SETD5: variants seen among roughly 807,000 people sequenced by gnomAD.
The protein encoded by SETD5 is SET domain containing 5.
SETD5 carries 44 observed loss-of-function variants against 153.3 expected under a neutral mutation model. The observed-to-expected ratio is 0.29, with a 90% CI of 0.23 to 0.37. The LOEUF (loss-of-function observed/expected upper bound fraction) is 0.37, where lower values mean the gene tolerates loss of function less well. Ranked by LOEUF, SETD5 falls within the 10% of genes least tolerant of loss-of-function variation. SETD5 has a pLI of 1.00. For missense variants in SETD5, 1,544 were observed against 1,768.0 expected, an observed-to-expected ratio of 0.87 and a Z score of 2.27; for synonymous variants, 716 against 645.2, an observed-to-expected ratio of 1.11 and a Z score of -1.66.
At chr3:9,471,642 GGGTT>G in intron 19 of SETD5, among the ~76,000 whole-genome samples, 1 of 152,296 alleles carries the variant, frequency 6.6e-6, no homozygotes, top group African/African-American at 2.4e-5. Flanking sequence ...GCTTGCTAAT[GGGTT>G]GGGACTCCAC....
At chr3:9,417,684 AC>A (rs1252841575) in intron 1 of SETD5, among the ~76,000 whole-genome samples, 4 of 151,308 alleles carry the variant, frequency 2.6e-5, no homozygotes, top group Non-Finnish European at 4.4e-5. Flanking sequence ...ACGGGGTTTC[AC>A]CATGTTAGCC....
rs1297206946 is a variant in SETD5, at chr3:9,445,265, G to A, written c.1405G>A (p.Val469Ile). The change falls in exon 12 of 23, where the codon GTT (valine) becomes ATT (isoleucine). Residue 469 changes from valine (V) to isoleucine (I), a missense_variant. By Grantham distance (29) the Val-to-Ile change is conservative. Transcript: ENST00000402198. ...GAATAATGACCAGCAATCACAAGAAGTTCCAGAAAAAGTAACTGTATCCAG... is the reference window on the plus strand; with the variant it reads ...GAATAATGACCAGCAATCACAAGAAATTCCAGAAAAAGTAACTGTATCCAG... ...EENNDQQSQE[V>I]PEKVTVSSDH... The A allele has an allele frequency of 1.2e-6, 2 of 1,608,978 alleles. No individual in the cohort carries two copies. The highest frequency in any genetic ancestry group is 1.7e-6 in the Non-Finnish European group (2 of 1,177,294).
chr3:9,417,926 C>T (rs1414791023), intron 1 of SETD5, among the ~76,000 whole-genome samples: 1 of 149,732 alleles, frequency 6.7e-6, no homozygotes, highest in Non-Finnish European at 1.5e-5. Context: ...GGCAGAACTG[C>T]TAGAACAAGA....
rs531618039 is a variant in SETD5, at chr3:9,421,584, T to G, written c.-176-2883T>G. On this transcript the variant is annotated intron_variant, in intron 1 of 22. Coordinates refer to ENST00000402198, the MANE Select transcript of SETD5 (RefSeq NM_001080517.3). ...TATAATGCAGCTGCCACATTCATTCTCATACAAGGTAAAGTCATTCAAAAG... is the reference window on the plus strand; with the variant it reads ...TATAATGCAGCTGCCACATTCATTCGCATACAAGGTAAAGTCATTCAAAAG... Among the ~76,000 whole-genome samples the G allele has an allele frequency of 4.6e-5, 7 of 152,340 alleles. No homozygotes were observed. In the East Asian group the frequency reaches 1.3e-3, roughly 29 times the overall value.
At position 9,447,236 on chromosome 3, in the gene SETD5, G is replaced by T. The variant is rs768631076; in HGVS notation, c.1711G>T (p.Val571Phe). Reference protein sequence around the residue: ...EAPESEVSNSVSNVTIPSTPQ... With the variant: ...EAPESEVSNSFSNVTIPSTPQ... ...CCCTGAATCTGAAGTTAGCAACTCT[G>T]TTTCAAATGTTACCATCCCAAGCAC... is the stretch of plus-strand genomic sequence containing the variant. The change falls in exon 14 of 23, where the codon GTT (valine) becomes TTT (phenylalanine). Residue 571 changes from valine (V) to phenylalanine (F), a missense_variant. By Grantham distance (50) the Val-to-Phe change is conservative. Around this residue, in one of 9 missense-constraint regions of SETD5, gnomAD observed 782 missense variants for 787.2 expected, o/e 0.99. Coordinates refer to ENST00000402198, the MANE Select transcript of SETD5 (RefSeq NM_001080517.3). 5 of 1,613,924 alleles carry T rather than the reference G, an allele frequency of 3.1e-6. No individual in the cohort carries two copies. The Admixed American group carries it at 5.0e-5, about 16-fold the overall frequency.
At chr3:9,446,310 C>T (rs1300011189) in intron 13 of SETD5, among the ~76,000 whole-genome samples, 3 of 124,944 alleles carry the variant, frequency 2.4e-5, no homozygotes, top group African/African-American at 6.2e-5. Context: ...AAAAAAAAAT[C>T]TGGTTTCCGA....
intron 18 of SETD5, among the ~76,000 whole-genome samples, chr3:9,466,834 G>A (rs1451917009): frequency 1.3e-5 from 2 of 152,160 alleles, no homozygotes; most frequent in Non-Finnish European, 2.9e-5. Flanking sequence ...AGACCAGCCT[G>A]GGTAACATCG....
intron 7 of SETD5, chr3:9,436,780 T>G (rs1413587194): frequency 8.7e-6 from 12 of 1,386,924 alleles, no homozygotes; most frequent in Non-Finnish European, 1.2e-5. Flanking sequence ...AGTTTTAGTC[T>G]CAGATAGGTA....
intron 17 of SETD5, among the ~76,000 whole-genome samples, chr3:9,458,245 A>G (rs1196279267): frequency 6.6e-6 from 1 of 152,190 alleles, no homozygotes; most frequent in Non-Finnish European, 1.5e-5. Context: ...CAACACAGCA[A>G]GACCTTGTCT....
intron 3 of SETD5, 61 bp from the exon 4 acceptor site, chr3:9,433,784 T>C (rs890981178): frequency 6.6e-7 from 1 of 1,506,574 alleles, no homozygotes; most frequent in East Asian, 2.3e-5. Context: ...GGAAATGAAG[T>C]GTTAGTTTAA....
At chr3:9,428,172 G>T (rs1192683551) in intron 2 of SETD5, among the ~76,000 whole-genome samples, 1 of 152,030 alleles carries the variant, frequency 6.6e-6, no homozygotes, top group Non-Finnish European at 1.5e-5. Context: ...TTATATTTTT[G>T]TTCATATCTA....
intron 1 of SETD5, among the ~76,000 whole-genome samples, chr3:9,424,203 A>G (rs1325268865): frequency 2.0e-5 from 3 of 152,200 alleles, no homozygotes; most frequent in Non-Finnish European, 2.9e-5. Context: ...GGAAGAGGAA[A>G]AATTAGCCAG....
Position 9,470,943 on chromosome 3 carries a change from G to A in SETD5, c.3195+14G>A, listed in dbSNP as rs1389124377. ...CAGAGGAAAAAAGTAAGTGTTTCAT[G>A]TTATATCGGCGAACTTTTCAAGAAT... On this transcript the variant is annotated intron_variant, in intron 19 of 22. Transcript: ENST00000402198. 2.1e-6 allele frequency: 3 copies of A among 1,421,120 alleles called. No homozygotes were observed. Among genetic ancestry groups the A allele is most frequent in the South Asian group, 1.3e-5 (1 of 77,366 alleles). The allele number at this position is 1,421,120 out of a possible 1,614,324, so 88.0% of individuals were successfully genotyped here.
chr3:9,466,144 C>T (rs1010874078), intron 18 of SETD5, among the ~76,000 whole-genome samples: 1 of 151,808 alleles, frequency 6.6e-6, no homozygotes, highest in East Asian at 1.9e-4. Flanking sequence ...AAATATTAGC[C>T]GGGCGTGGTA....
Position 9,434,702 on chromosome 3 carries a change from C to A in SETD5, c.330-122C>A. 1 of 1,464,132 alleles carries A rather than the reference C, an allele frequency of 6.8e-7. No homozygotes were observed. Among genetic ancestry groups the A allele is most frequent in the Non-Finnish European group, 9.1e-7 (1 of 1,104,420 alleles). The allele number at this position is 1,464,132 out of a possible 1,614,324, so 90.7% of individuals were successfully genotyped here. A position where few individuals can be genotyped will look rare whatever the true frequency, so the allele number is the denominator to read the frequency against. On this transcript the variant is annotated intron_variant, in intron 5 of 22. Transcript: ENST00000402198. This position sits in a 1 kb window ranked among gnomAD's most constrained non-coding sequence, Gnocchi z 5.6. Reference sequence around the variant, plus strand: ...TTGAATTTGATATGAAATTTAATGTCCTGGAAACATTTGGTAGGTGGGAGG... The same window carrying A: ...TTGAATTTGATATGAAATTTAATGTACTGGAAACATTTGGTAGGTGGGAGG...
At chr3:9,409,671 G>A (rs1037867154) in intron 1 of SETD5, among the ~76,000 whole-genome samples, 2 of 152,176 alleles carry the variant, frequency 1.3e-5, no homozygotes, top group African/African-American at 4.8e-5. Context: ...AGAAACCACA[G>A]TATGGATGGT....
intron 7 of SETD5, among the ~76,000 whole-genome samples, chr3:9,438,586 G>T (rs183001384): frequency 0.015 from 2,280 of 152,158 alleles, 62 homozygotes; most frequent in Non-Finnish European, 0.015. Context: ...TAAATTTTAT[G>T]CTCAGAATTA....
intron 3 of SETD5, chr3:9,430,259 A>G: frequency 1.0e-6 from 1 of 984,816 alleles, no homozygotes; most frequent in South Asian, 4.7e-5. Context: ...TTACCTGTTT[A>G]CTGAGTTCCT....
At chr3:9,462,307 G>C (rs1376414218) in intron 17 of SETD5, among the ~76,000 whole-genome samples, 1 of 152,212 alleles carries the variant, frequency 6.6e-6, no homozygotes, top group Non-Finnish European at 1.5e-5. Flanking sequence ...GATAGATGGA[G>C]CCAGGCGCGG....
Sources: gnomAD v4.1 joint callset for allele counts (sites outside exome capture counted in the v4.1 genomes callset) on GRCh38, gnomAD v4.1.1 for gene constraint, gnomAD v4.1.1 regional missense constraint, Gnocchi (gnomAD v3.1) non-coding constraint, MANE v1.5 for transcripts, NCBI Gene and HGNC (gene_info 2026-07-23, HGNC 2026-07-21) for gene names.